The following GNA12 variants were observed in gnomAD, a reference collection of about 807,000 sequenced individuals.
GNA12 encodes the protein G protein subunit alpha 12.
A neutral mutation model predicts 26.0 loss-of-function variants in GNA12; 9 were observed. The observed-to-expected ratio is 0.35, with a 90% CI of 0.21 to 0.60. GNA12 has a LOEUF of 0.60. Ranked by LOEUF, GNA12 falls within the 20% of genes least tolerant of loss-of-function variation. The pLI, the probability that GNA12 is intolerant of heterozygous loss-of-function variation, is 0.78. For missense variants in GNA12, 405 were observed against 525.8 expected, an observed-to-expected ratio of 0.77 and a Z score of 2.25; for synonymous variants, 264 against 219.6, an observed-to-expected ratio of 1.20 and a Z score of -1.79.
intron 1 of GNA12, among the ~76,000 whole-genome samples, chr7:2,836,899 G>T (rs751070812): frequency 6.6e-6 from 1 of 152,100 alleles, no homozygotes; most frequent in African/African-American, 2.4e-5. Flanking sequence ...ACTCCAGCCC[G>T]GGCAACAAGA....
rs559007182 is a variant in GNA12 at position 2,766,259 on chromosome 7, C to G, written c.525+28669G>C. ...CACTTAGCATAATATCCTCAAGGTTCATCTCTGTTGTAGCTAGTATGTTAG... is the reference window on the plus strand; with the variant it reads ...CACTTAGCATAATATCCTCAAGGTTGATCTCTGTTGTAGCTAGTATGTTAG... On this transcript the variant is annotated intron_variant, in intron 2 of 3. Transcript: ENST00000275364. Among the ~76,000 whole-genome samples the G allele has an allele frequency of 1.2e-4, 19 of 152,264 alleles. No homozygotes were observed. The South Asian group carries it at 3.7e-3, about 30-fold the overall frequency.
At chr7:2,732,037 G>A (rs190073132) in intron 3 of GNA12, among the ~76,000 whole-genome samples, 1 of 152,106 alleles carries the variant, frequency 6.6e-6, no homozygotes, top group Non-Finnish European at 1.5e-5. Context: ...CTTCTCCAGA[G>A]GAAATTTACC....
At chr7:2,756,547 C>T (rs769431935) in intron 2 of GNA12, among the ~76,000 whole-genome samples, 4 of 151,988 alleles carry the variant, frequency 2.6e-5, no homozygotes, top group South Asian at 2.1e-4. Context: ...CCCGGGAGGT[C>T]GAGGCTGCAG....
chr7:2,795,172 T>G, intron 1 of GNA12, 29 bp from the exon 2 acceptor site: 3 of 1,549,802 alleles, frequency 1.9e-6, no homozygotes, highest in Non-Finnish European at 2.7e-6. Flanking sequence ...AAGAGAGGAT[T>G]TAATTGCATT....
At chr7:2,810,567 G>C (rs1793056940) in intron 1 of GNA12, among the ~76,000 whole-genome samples, 1 of 151,966 alleles carries the variant, frequency 6.6e-6, no homozygotes, top group African/African-American at 2.4e-5. Context: ...TTTTACAGTT[G>C]GATTCCAAAT....
intron 1 of GNA12, among the ~76,000 whole-genome samples, chr7:2,821,079 G>C (rs1452749352): frequency 1.3e-5 from 2 of 152,154 alleles, no homozygotes; most frequent in Non-Finnish European, 2.9e-5. Context: ...AACTCCACAG[G>C]AATCACTCCC....
chr7:2,737,281 T>TTGTTTTG lies in GNA12; in HGVS notation c.526-3781_526-3780insCAAAACA, dbSNP rs1562394925. Among the ~76,000 whole-genome samples, 12 of 71,560 alleles carry TTGTTTTG rather than the reference T, an allele frequency of 1.7e-4. 1 individual carries two copies. The highest frequency in any genetic ancestry group is 7.1e-4 in the African/African-American group (11 of 15,462). The allele number at this position is 71,560 out of a possible 152,430, so 46.9% of individuals were successfully genotyped here. ...ATCTCACAGTTTTGTTTTGTTTTTT[T>TTGTTTTG]TTTTTTTGTTTTTTTTTTTTTTTTT... On this transcript the variant is annotated intron_variant, in intron 2 of 3. Transcript: ENST00000275364.
chr7:2,838,378 A>C (rs970222378), intron 1 of GNA12, among the ~76,000 whole-genome samples: 1 of 152,118 alleles, frequency 6.6e-6, no homozygotes, highest in African/African-American at 2.4e-5. Flanking sequence ...GCAATTCAAG[A>C]GCACCCTAAG....
At chr7:2,775,564 C>T (rs928364823) in intron 2 of GNA12, 4 of 152,220 alleles carry the variant, frequency 2.6e-5, no homozygotes, top group African/African-American at 7.2e-5. Context: ...TTTTCATAAA[C>T]GCAGAAGCAA....
intron 2 of GNA12, among the ~76,000 whole-genome samples, chr7:2,758,164 A>G (rs1791390333): frequency 6.6e-6 from 1 of 152,170 alleles, no homozygotes; most frequent in African/African-American, 2.4e-5. Context: ...AAAAACCCAA[A>G]AACTCAACAT....
chr7:2,781,718 A>G (rs1792235267), intron 2 of GNA12, among the ~76,000 whole-genome samples: 1 of 152,130 alleles, frequency 6.6e-6, no homozygotes, highest in African/African-American at 2.4e-5. Context: ...GGGTGGGCGT[A>G]CAAAAATAAG....
intron 1 of GNA12, among the ~76,000 whole-genome samples, chr7:2,819,479 C>T (rs1334045494): frequency 6.6e-6 from 1 of 152,148 alleles, no homozygotes; most frequent in Non-Finnish European, 1.5e-5. Context: ...ACCAAAACAG[C>T]TGTGGAGGTG....
At chr7:2,733,364 A>C in intron 3 of GNA12, 87 bp downstream of exon 3, 1 of 1,079,534 alleles carries the variant, frequency 9.3e-7, no homozygotes, top group Non-Finnish European at 1.4e-6. Flanking sequence ...AGTCCAGCCA[A>C]AGTCCTCACA....
In GNA12 at chr7:2,835,349, TAGAAAAATA is replaced by T. The variant is rs940166060; in HGVS notation, c.309+8495_309+8503del. ...AGTGACGAGATATCATCTGTAGAAT[TAGAAAAATA>T]AAAAGAATAAACTAGGCTGTTCCCC... On this transcript the variant is annotated intron_variant, in intron 1 of 3. Transcript: ENST00000275364. Among the ~76,000 whole-genome samples the T allele has an allele frequency of 1.2e-4, 18 of 152,074 alleles. 1 individual carries two copies. The highest frequency in any genetic ancestry group is 1.9e-4 in the Non-Finnish European group (13 of 68,012).
At position 2,731,429 on chromosome 7, in the gene GNA12, G is replaced by T; in HGVS notation, c.898C>A (p.Leu300Ile). 1 of 1,613,560 alleles carries T rather than the reference G, an allele frequency of 6.2e-7. No homozygotes were observed. The highest frequency in any genetic ancestry group is 8.5e-7 in the Non-Finnish European group (1 of 1,179,600). Reference sequence around the variant, plus strand: ...ACGGTCTTCACCTTCTCCACCAGGAGGTCCATCTTGTTGAGGAAGAGAATG... The same window carrying T: ...ACGGTCTTCACCTTCTCCACCAGGATGTCCATCTTGTTGAGGAAGAGAATG... ...SIILFLNKMD[L>I]LVEKVKTVSI... Residue 300 changes from leucine to isoleucine, a missense_variant, in exon 4 of 4, where the codon CTC (leucine) becomes ATC (isoleucine). Transcript: ENST00000275364. This position sits in a 1 kb window ranked among gnomAD's most constrained non-coding sequence, Gnocchi z 6.0.
chr7:2,782,420 T>C (rs989350547), intron 2 of GNA12, among the ~76,000 whole-genome samples: 6 of 152,206 alleles, frequency 3.9e-5, no homozygotes, highest in African/African-American at 1.2e-4. Flanking sequence ...TGTTTGGAAA[T>C]GTCTCTGTTC....
chr7:2,813,063 A>T (rs1793125644), intron 1 of GNA12, among the ~76,000 whole-genome samples: 1 of 152,130 alleles, frequency 6.6e-6, no homozygotes, highest in Non-Finnish European at 1.5e-5. Context: ...GTAGCTGGGA[A>T]TTACCGGCAT....
chr7:2,835,576 T>C (rs947008449), intron 1 of GNA12: 6 of 549,636 alleles, frequency 1.1e-5, no homozygotes, highest in African/African-American at 5.8e-5. Context: ...AAGAGCGCGC[T>C]TGGGGGCAAA....
chr7:2,768,691 A>AAACAC (rs1554258744), intron 2 of GNA12, among the ~76,000 whole-genome samples: 1 of 142,590 alleles, frequency 7.0e-6, no homozygotes, highest in East Asian at 1.9e-4. Flanking sequence ...ACAAAACAAA[A>AAACAC]AAAAAAACAG....
Sources: gnomAD v4.1 joint callset for allele counts (sites outside exome capture counted in the v4.1 genomes callset) on GRCh38, gnomAD v4.1.1 for gene constraint, Gnocchi (gnomAD v3.1) non-coding constraint, MANE v1.5 for transcripts, NCBI Gene and HGNC (gene_info 2026-07-23, HGNC 2026-07-21) for gene names.